PRKCE: variants seen among roughly 807,000 people sequenced by gnomAD.
PRKCE encodes the protein protein kinase C epsilon type.
PRKCE carries 16 observed loss-of-function variants against 85.4 expected under a neutral mutation model. The observed-to-expected ratio is 0.19, with a 90% confidence interval of 0.13 to 0.28. PRKCE has a LOEUF of 0.28. Among genes scored for constraint, PRKCE ranks in the 10% least tolerant of loss-of-function variants. The pLI is 1.00. For missense variants in PRKCE, 573 were observed against 975.2 expected, an observed-to-expected ratio of 0.59 and a Z score of 5.49; for synonymous variants, 388 against 371.5, an observed-to-expected ratio of 1.04 and a Z score of -0.51.
At chr2:45,848,126 T>A (rs995228700) in intron 2 of PRKCE, among the ~76,000 whole-genome samples, 7 of 152,202 alleles carry the variant, frequency 4.6e-5, no homozygotes, top group African/African-American at 1.7e-4. Context: ...CTCTTGAAAC[T>A]CTGTCTTAGC....
At chr2:46,014,149 G>C (rs1189551777) in intron 10 of PRKCE, among the ~76,000 whole-genome samples, 1 of 152,166 alleles carries the variant, frequency 6.6e-6, no homozygotes, top group Non-Finnish European at 1.5e-5. Flanking sequence ...GGGCTAGTGA[G>C]AAAAAGCAGA....
chr2:45,855,110 G>GTT (rs1441842945), intron 2 of PRKCE, among the ~76,000 whole-genome samples: 2 of 151,126 alleles, frequency 1.3e-5, no homozygotes, highest in Non-Finnish European at 2.9e-5. Context: ...CTTTTTTCTG[G>GTT]TTTTGATGAA....
At chr2:46,131,799 T>C (rs994228150) in intron 11 of PRKCE, among the ~76,000 whole-genome samples, 9 of 152,252 alleles carry the variant, frequency 5.9e-5, no homozygotes, top group Non-Finnish European at 8.8e-5. Flanking sequence ...CCAAGAGTTA[T>C]TGCTTGCTTT....
chr2:45,996,024 T>C (rs114241322), intron 6 of PRKCE, among the ~76,000 whole-genome samples: 1,893 of 152,346 alleles, frequency 0.012, 15 homozygotes, highest in Middle Eastern at 0.054. Flanking sequence ...TATTTAGTTC[T>C]TGATTTTTTT....
At chr2:45,724,388 C>T (rs147112404) in intron 1 of PRKCE, among the ~76,000 whole-genome samples, 4 of 152,344 alleles carry the variant, frequency 2.6e-5, no homozygotes, top group African/African-American at 9.6e-5. Flanking sequence ...CTCTCTCCCT[C>T]TCCTTCAGCC....
chr2:46,089,980 T>C (rs1670008689), intron 11 of PRKCE, among the ~76,000 whole-genome samples: 1 of 152,166 alleles, frequency 6.6e-6, no homozygotes, highest in Admixed American at 6.5e-5. Flanking sequence ...ATCCAAGATC[T>C]GACTGCCTCA....
At chr2:45,672,133 G>A (rs763821614) in intron 1 of PRKCE, among the ~76,000 whole-genome samples, 5 of 151,570 alleles carry the variant, frequency 3.3e-5, no homozygotes, top group Non-Finnish European at 7.4e-5. Context: ...GAGTAAACAG[G>A]TTTCCTGATT....
chr2:45,797,722 G>T (rs1486682163), intron 1 of PRKCE, among the ~76,000 whole-genome samples: 1 of 152,210 alleles, frequency 6.6e-6, no homozygotes, highest in African/African-American at 2.4e-5. Flanking sequence ...GGACTGCATT[G>T]CACTTCATAG....
At chr2:45,985,606 A>C (rs1703256109) in intron 6 of PRKCE, among the ~76,000 whole-genome samples, 1 of 152,196 alleles carries the variant, frequency 6.6e-6, no homozygotes, top group Non-Finnish European at 1.5e-5. Flanking sequence ...TGGTCATTGA[A>C]GGGATCCCAA....
intron 1 of PRKCE, among the ~76,000 whole-genome samples, chr2:45,780,829 T>C (rs1454242847): frequency 2.0e-5 from 3 of 152,230 alleles, no homozygotes; most frequent in Non-Finnish European, 2.9e-5. Flanking sequence ...TTATAACATG[T>C]TTCTATTTTC....
chr2:45,761,995 G>A (rs771567449), intron 1 of PRKCE, among the ~76,000 whole-genome samples: 1 of 152,124 alleles, frequency 6.6e-6, no homozygotes, highest in African/African-American at 2.4e-5. Flanking sequence ...CATTGATGAG[G>A]GGTCCCTCCC....
At chr2:46,109,943 A>G (rs1420431310) in intron 11 of PRKCE, among the ~76,000 whole-genome samples, 1 of 152,170 alleles carries the variant, frequency 6.6e-6, no homozygotes, top group Non-Finnish European at 1.5e-5. Context: ...CTTCATCTGC[A>G]TTAATTGATA....
At chr2:45,732,220 A>G (rs987225926) in intron 1 of PRKCE, among the ~76,000 whole-genome samples, 2 of 152,146 alleles carry the variant, frequency 1.3e-5, no homozygotes, top group African/African-American at 4.8e-5. Flanking sequence ...GGGCAGGCAA[A>G]GGGCTCCATG....
At chr2:45,810,499 C>T (rs1688579153) in intron 1 of PRKCE, among the ~76,000 whole-genome samples, 1 of 152,138 alleles carries the variant, frequency 6.6e-6, no homozygotes, top group African/African-American at 2.4e-5. Flanking sequence ...ATAGATGCCA[C>T]CAAGAATGCT....
chr2:45,686,082 C>A (rs537563822), intron 1 of PRKCE, among the ~76,000 whole-genome samples: 1 of 152,012 alleles, frequency 6.6e-6, no homozygotes, highest in Non-Finnish European at 1.5e-5. Context: ...CTGTATAAAA[C>A]GCACAGCTGA....
At position 45,895,811 on chromosome 2, in the gene PRKCE, G is replaced by T. The variant is rs1696093133; in HGVS notation, c.412+52748G>T. ...GGCAGGAATCTACGCAGGTGCGCAG[G>T]TGTAGAGGAAGTGCTGTAGGGCCGC... On this transcript the variant is annotated intron_variant, in intron 2 of 14. Transcript: ENST00000306156. The surrounding 1 kb of genome is among the most constrained non-coding windows in gnomAD (Gnocchi z 4.8). Among the ~76,000 whole-genome samples, 1 of 152,168 alleles carries T rather than the reference G, an allele frequency of 6.6e-6. No homozygotes were observed.
chr2:45,654,217 G>T (rs1039599797), intron 1 of PRKCE, among the ~76,000 whole-genome samples: 2 of 152,258 alleles, frequency 1.3e-5, no homozygotes, highest in African/African-American at 2.4e-5. Flanking sequence ...ACAGATGTTG[G>T]TTGGAGGGAG....
intron 1 of PRKCE, among the ~76,000 whole-genome samples, chr2:45,766,360 G>C (rs1310637410): frequency 6.6e-6 from 1 of 152,224 alleles, no homozygotes; most frequent in Non-Finnish European, 1.5e-5. Flanking sequence ...GAAGACTTCA[G>C]TGAGGCCTAG....
chr2:46,052,831 A>C (rs1447099448), intron 10 of PRKCE, among the ~76,000 whole-genome samples: 2 of 151,228 alleles, frequency 1.3e-5, no homozygotes, highest in African/African-American at 4.8e-5. Flanking sequence ...CAGAGTTGAG[A>C]GTTCAGAAAT....
Sources: gnomAD v4.1 joint callset for allele counts (sites outside exome capture counted in the v4.1 genomes callset) on GRCh38, gnomAD v4.1.1 for gene constraint, Gnocchi (gnomAD v3.1) non-coding constraint, MANE v1.5 for transcripts, NCBI Gene and HGNC (gene_info 2026-07-23, HGNC 2026-07-21) for gene names.